CPEB2: variants seen among roughly 807,000 people sequenced by gnomAD.
CPEB2 encodes the protein cytoplasmic polyadenylation element binding protein 2.
A neutral mutation model predicts 93.6 loss-of-function variants in CPEB2; 56 were observed. The ratio of observed to expected loss-of-function variants is 0.60; its 90% CI spans 0.48 to 0.75. CPEB2 has a LOEUF of 0.75. Among genes scored for constraint, CPEB2 ranks in the 30% least tolerant of loss-of-function variants. CPEB2 has a pLI of 0.00. For synonymous variants in CPEB2, 764 were observed against 586.3 expected (o/e 1.30, Z -4.38); for missense variants, 1,579 against 1,395.1 (o/e 1.13, Z -2.10).
chr4:15,012,680 A>G (rs1723644408), intron 3 of CPEB2, among the ~76,000 whole-genome samples: 1 of 152,132 alleles, frequency 6.6e-6, no homozygotes, highest in Admixed American at 6.5e-5. Flanking sequence ...AAAATTAAGG[A>G]CAATATTAGC....
intron 4 of CPEB2, among the ~76,000 whole-genome samples, chr4:15,025,667 T>C (rs1577399589): frequency 6.6e-6 from 1 of 151,896 alleles, no homozygotes; most frequent in African/African-American, 2.4e-5. Flanking sequence ...TTTTAAAAAC[T>C]AACAAGCAAT....
intron 4 of CPEB2, among the ~76,000 whole-genome samples, chr4:15,022,171 G>A (rs549419425): frequency 1.6e-4 from 24 of 152,284 alleles, no homozygotes; most frequent in Admixed American, 1.5e-3. Flanking sequence ...TGTAGTTCGT[G>A]TGGGGTGTAG....
At chr4:15,055,824 T>G (rs1388265338) in intron 8 of CPEB2, among the ~76,000 whole-genome samples, 2 of 152,198 alleles carry the variant, frequency 1.3e-5, no homozygotes, top group East Asian at 3.9e-4. Context: ...AGTGCTTTTA[T>G]GTATGATACT....
In CPEB2 at chr4:15,054,145, T is replaced by C. The variant is rs1728505274; in HGVS notation, c.2389T>C (p.Phe797Leu). Residue 797 changes from phenylalanine (F) to leucine (L), a missense_variant, in exon 8 of 12, where the codon TTC becomes CTC. Coordinates refer to ENST00000538197, the MANE Select transcript of CPEB2 (RefSeq NM_001177382.2). ...TTCTTAAGATGAAATAACTGCTAGC[T>C]TCAGAAGATTTGGGCCTTTGGTAGT... The part of the protein sequence containing the change: ...DIDEDEITAS[F>L]RRFGPLVVDW... 6.2e-7 allele frequency: 1 copy of C among 1,609,372 alleles called. No individual in the cohort carries two copies. Among genetic ancestry groups the C allele is most frequent in the Non-Finnish European group, 8.5e-7 (1 of 1,177,808 alleles).
At chr4:15,058,343 T>C in intron 8 of CPEB2, 78 bp from the exon 9 acceptor site, 1 of 768,898 alleles carries the variant, frequency 1.3e-6, no homozygotes, top group South Asian at 1.6e-5. Context: ...CAAAAGCATG[T>C]ATTTTCTAAA....
chr4:15,002,638 G>A lies in CPEB2; in HGVS notation c.-36G>A. 1 of 1,463,962 alleles carries A rather than the reference G, an allele frequency of 6.8e-7. No homozygotes were observed. The highest frequency in any genetic ancestry group is 9.0e-7 in the Non-Finnish European group (1 of 1,106,674). The allele number at this position is 1,463,962 out of a possible 1,614,324, so 90.7% of individuals were successfully genotyped here. Reference sequence around the variant, plus strand: ...CGGCTTCCTAGGTGGGGCAGGGGACGAGGAGCGTCTCCTCCCGCTGCCGGC... The same window carrying A: ...CGGCTTCCTAGGTGGGGCAGGGGACAAGGAGCGTCTCCTCCCGCTGCCGGC... On this transcript the variant is annotated 5_prime_UTR_variant, in exon 1 of 12. Transcript: ENST00000538197.
chr4:15,049,853 T>C lies in CPEB2; in HGVS notation c.2201-2561T>C, dbSNP rs937145986. On this transcript the variant is annotated intron_variant, in intron 6 of 11. Transcript: ENST00000538197. ...TTGTGTCTTATAAACTAAATTTTTA[T>C]GTCAAACATCTAGGTAGCTAGCTCC... Among the ~76,000 whole-genome samples, 135 of 152,328 alleles carry C rather than the reference T, an allele frequency of 8.9e-4. 2 individuals are homozygous for C. The highest frequency in any genetic ancestry group is 3.1e-3 in the African/African-American group (127 of 41,564).
At chr4:15,014,730 C>T (rs1723903277) in intron 3 of CPEB2, among the ~76,000 whole-genome samples, 1 of 151,924 alleles carries the variant, frequency 6.6e-6, no homozygotes, top group Non-Finnish European at 1.5e-5. Flanking sequence ...ATTCAACAGA[C>T]ATGAGAACTA....
chr4:15,002,764 T>A lies in CPEB2; in HGVS notation c.91T>A (p.Tyr31Asn). 1 of 1,535,496 alleles carries A rather than the reference T, an allele frequency of 6.5e-7. No individual in the cohort carries two copies. ...PLFCGEAYGP[Y>N]AVGSVNPLPS... Reference sequence around the variant, plus strand: ...GTTCTGCGGCGAGGCGTATGGTCCTTACGCCGTGGGGTCCGTCAACCCGCT... The same window carrying A: ...GTTCTGCGGCGAGGCGTATGGTCCTAACGCCGTGGGGTCCGTCAACCCGCT... The change falls in exon 1 of 12, where the codon TAC becomes AAC. Residue 31 changes from tyrosine to asparagine, a missense_variant. Tyr to Asn is a moderately radical substitution (Grantham distance 143). Transcript: ENST00000538197.
chr4:15,034,290 TGAGTCATGTG>T (rs1382054237), intron 5 of CPEB2, among the ~76,000 whole-genome samples: 3 of 152,212 alleles, frequency 2.0e-5, no homozygotes, highest in African/African-American at 7.2e-5. Context: ...GGGGCCATAC[TGAGTCATGTG>T]GAAGCAAAGA....
intron 3 of CPEB2, chr4:15,010,539 T>C (rs1221381837): frequency 6.6e-6 from 1 of 152,182 alleles, no homozygotes. Context: ...GGTTGAAGTA[T>C]TTGAAGTTGA....
intron 6 of CPEB2, among the ~76,000 whole-genome samples, chr4:15,043,739 A>T (rs897379743): frequency 2.4e-4 from 36 of 152,256 alleles, no homozygotes; most frequent in Middle Eastern, 3.4e-3. Flanking sequence ...AACGTAGTTT[A>T]GTTAATGGTT....
intron 3 of CPEB2, among the ~76,000 whole-genome samples, chr4:15,010,979 A>G (rs1723391396): frequency 6.6e-6 from 1 of 152,126 alleles, no homozygotes; most frequent in South Asian, 2.1e-4. Context: ...TTTATTTTAA[A>G]TAAGATTTTT....
At chr4:15,021,405 A>AT (rs1264659126) in intron 4 of CPEB2, among the ~76,000 whole-genome samples, 2 of 152,052 alleles carry the variant, frequency 1.3e-5, no homozygotes, top group Non-Finnish European at 2.9e-5. Context: ...ATAATTTGTG[A>AT]TTTTTTAATA....
chr4:15,021,864 C>G (rs1724851704), intron 4 of CPEB2, among the ~76,000 whole-genome samples: 1 of 152,002 alleles, frequency 6.6e-6, no homozygotes. Context: ...AAGTAAGAAG[C>G]TCTGTTTATT....
At chr4:15,042,555 G>A (rs1395295866) in intron 6 of CPEB2, among the ~76,000 whole-genome samples, 2 of 152,186 alleles carry the variant, frequency 1.3e-5, no homozygotes, top group Non-Finnish European at 2.9e-5. Flanking sequence ...ATAAGGGGGA[G>A]TGAATGCCTG....
In CPEB2 at chr4:15,003,009, G is replaced by T. The variant is rs574492698; in HGVS notation, c.336G>T (p.Ala112=). 1.2e-3 allele frequency: 1,840 copies of T among 1,496,148 alleles called. 22 individuals are homozygous for T. In the African/African-American group the frequency reaches 0.023, roughly 18 times the overall value. 92.7% of individuals were successfully genotyped at this position (1,496,148 alleles called of 1,614,324 possible). A position where few individuals can be genotyped will look rare whatever the true frequency, so the allele number is the denominator to read the frequency against. ...TQQPARPLSG[A]AATEKLPDHH... ...AGCCGGCGCGGCCGCTTTCGGGGGC[G>T]GCGGCCACGGAGAAACTCCCCGACC... The change falls in exon 1 of 12, where the codon GCG becomes GCT. Residue 112 remains alanine, a synonymous_variant. Coordinates refer to ENST00000538197, the MANE Select transcript of CPEB2 (RefSeq NM_001177382.2).
chr4:15,014,256 C>A (rs180903654), intron 3 of CPEB2, among the ~76,000 whole-genome samples: 1 of 152,022 alleles, frequency 6.6e-6, no homozygotes, highest in South Asian at 2.1e-4. Context: ...TCAAAGTTAA[C>A]AACCTAAAAA....
At position 15,003,301 on chromosome 4, in the gene CPEB2, C is replaced by G. The variant is rs1326582082; in HGVS notation, c.628C>G (p.Pro210Ala). 37 of 1,372,984 alleles carry G rather than the reference C, an allele frequency of 2.7e-5. No individual in the cohort carries two copies. Among genetic ancestry groups the G allele is most frequent in the East Asian group, 3.2e-5 (1 of 31,546 alleles). 85.1% of individuals were successfully genotyped at this position (1,372,984 alleles called of 1,614,324 possible). Residue 210 changes from proline (P) to alanine (A), a missense_variant, in exon 1 of 12, where the codon CCG (proline) becomes GCG (alanine). Pro to Ala is a conservative substitution (Grantham distance 27). This residue lies in a region of CPEB2 where 1,411 missense variants were observed against 1,056.0 expected (regional missense o/e 1.34). Coordinates refer to ENST00000538197, the MANE Select transcript of CPEB2 (RefSeq NM_001177382.2). ...GCTCCACTGCCCCGGTCGGTTCAGC[C>G]CGCCGCCGCCGCCAGCCGGCCCGCT... ...PPLHCPGRFSPPPPPAGPLLQ... is the reference protein window; with the variant it reads ...PPLHCPGRFSAPPPPAGPLLQ...
Sources: gnomAD v4.1 joint callset for allele counts (sites outside exome capture counted in the v4.1 genomes callset) on GRCh38, gnomAD v4.1.1 for gene constraint, gnomAD v4.1.1 regional missense constraint, MANE v1.5 for transcripts, NCBI Gene and HGNC (gene_info 2026-07-23, HGNC 2026-07-21) for gene names.